The following KCNN1 variants were observed in gnomAD, a reference collection of about 807,000 sequenced individuals.
KCNN1 encodes the protein potassium calcium-activated channel subfamily N member 1, also known as small conductance calcium-activated potassium channel protein 1.
KCNN1 carries 20 observed loss-of-function variants against 44.7 expected under a neutral mutation model. The observed-to-expected ratio is 0.45, with a 90% confidence interval of 0.32 to 0.65. The LOEUF (loss-of-function observed/expected upper bound fraction) is 0.65. Ranked by LOEUF, KCNN1 falls within the 30% of genes least tolerant of loss-of-function variation. KCNN1 has a pLI of 0.05. For missense variants in KCNN1, 632 were observed against 785.3 expected (o/e 0.80, Z 2.33); for synonymous variants, 324 against 341.7 (o/e 0.95, Z 0.57).
chr19:17,984,590 C>A (rs1052300476), intron 4 of KCNN1, among the ~76,000 whole-genome samples: 4 of 152,120 alleles, frequency 2.6e-5, no homozygotes, highest in Admixed American at 6.5e-5. Flanking sequence ...CCTAGAGCCA[C>A]CCCCAGACCC....
In KCNN1 at chr19:17,975,223, C is replaced by T. The variant is rs571047828; in HGVS notation, c.498+36C>T. 3.3e-6 allele frequency: 5 copies of T among 1,511,270 alleles called. No individual in the cohort carries two copies. The South Asian group carries it at 5.6e-5, about 17-fold the overall frequency. The allele number at this position is 1,511,270 out of a possible 1,614,324, so 93.6% of individuals were successfully genotyped here. A position where few individuals can be genotyped will look rare whatever the true frequency, so the allele number is the denominator to read the frequency against. On this transcript the variant is annotated intron_variant, in intron 3 of 9. Coordinates refer to ENST00000684775, the MANE Select transcript of KCNN1 (RefSeq NM_001386974.1). ...AATACTGCAGGAAGCAGCTCCTCTCCTCAAACCCCAGATCCCCCCACACCA... is the reference window on the plus strand; with the variant it reads ...AATACTGCAGGAAGCAGCTCCTCTCTTCAAACCCCAGATCCCCCCACACCA...
chr19:17,985,472 G>T lies in KCNN1; in HGVS notation c.1059+19G>T. The stretch of plus-strand genomic sequence containing the variant: ...CATCATGGTAAGGGTGAGGGTCCAT[G>T]TGTATGATCCTGGGAGGTCCAGCCA... On this transcript the variant is annotated intron_variant, in intron 5 of 9. Transcript: ENST00000684775. 6.4e-7 allele frequency: 1 copy of T among 1,556,984 alleles called. No individual in the cohort carries two copies. Among genetic ancestry groups the T allele is most frequent in the Non-Finnish European group, 8.7e-7 (1 of 1,144,854 alleles).
intron 2 of KCNN1, among the ~76,000 whole-genome samples, chr19:17,958,449 A>G (rs534178043): frequency 3.3e-5 from 5 of 150,884 alleles, no homozygotes; most frequent in Non-Finnish European, 4.4e-5. Context: ...CTGCACTCCA[A>G]ACTGCTGCGA....
At chr19:17,965,993 ATGCCTGCCTGCC>A (rs200975232), upstream of KCNN1, among the ~76,000 whole-genome samples, 18 of 144,860 alleles carry the variant, frequency 1.2e-4, no homozygotes, top group South Asian at 6.9e-4. Flanking sequence ...TCCCTCATTC[ATGCCTGCCTGCC>A]TGCCTGCCTG....
chr19:17,968,804 G>C (rs547112372), intron 1 of KCNN1, among the ~76,000 whole-genome samples: 1 of 152,252 alleles, frequency 6.6e-6, no homozygotes, highest in South Asian at 2.1e-4. Flanking sequence ...TGACCAGACA[G>C]AGTAGTAAAA....
Position 17,983,398 on chromosome 19 carries a change from A to G in KCNN1, c.917+1271A>G. ...ATACTCCCACGGGCCCTGCCTGGGCATGAGGCCTGGCTCTCAGGGATGAAA... is the reference window on the plus strand; with the variant it reads ...ATACTCCCACGGGCCCTGCCTGGGCGTGAGGCCTGGCTCTCAGGGATGAAA... On this transcript the variant is annotated intron_variant, in intron 4 of 9. Transcript: ENST00000684775. The surrounding 1 kb of genome is among the most constrained non-coding windows in gnomAD (Gnocchi z 4.5). 6.8e-6 allele frequency among the ~76,000 whole-genome samples: 1 copy of G among 148,046 alleles called. No homozygotes were observed. Among genetic ancestry groups the G allele is most frequent in the East Asian group, 2.1e-4 (1 of 4,714 alleles).
chr19:17,982,153 C>T (rs1309807384), intron 4 of KCNN1, 26 bp downstream of exon 4: 11 of 1,459,978 alleles, frequency 7.5e-6, no homozygotes, highest in African/African-American at 1.4e-5. Flanking sequence ...CTGGAGCCCC[C>T]CCAGCCCCCA....
At chr19:17,969,805 C>T (rs1361725442) in intron 1 of KCNN1, among the ~76,000 whole-genome samples, 1 of 152,206 alleles carries the variant, frequency 6.6e-6, no homozygotes, top group Non-Finnish European at 1.5e-5. Flanking sequence ...TTTGCACCCT[C>T]GGGGATGGTG....
At chr19:17,988,282 G>C (rs2032672321) in intron 5 of KCNN1, 133 bp from the exon 6 acceptor site, 1 of 667,450 alleles carries the variant, frequency 1.5e-6, no homozygotes, top group Admixed American at 2.3e-5. Context: ...CCTGAAGTCA[G>C]TGAGCTCAGC....
Position 17,998,463 on chromosome 19 carries a change from G to T in KCNN1, c.*57G>T. The stretch of plus-strand genomic sequence containing the variant: ...TGGCCATCGTGTGGCCGCCACCTCC[G>T]GGAAGCCTTGTACAGTGGCGCCTCT... On this transcript the variant is annotated 3_prime_UTR_variant, in exon 10 of 10. Coordinates refer to ENST00000684775, the MANE Select transcript of KCNN1 (RefSeq NM_001386974.1). The surrounding 1 kb of genome is among the most constrained non-coding windows in gnomAD (Gnocchi z 5.4). The T allele has an allele frequency of 1.4e-6, 2 of 1,431,168 alleles. No homozygotes were observed. The highest frequency in any genetic ancestry group is 5.0e-5 in the East Asian group (2 of 40,134). The allele number at this position is 1,431,168 out of a possible 1,614,324, so 88.7% of individuals were successfully genotyped here. A position where few individuals can be genotyped will look rare whatever the true frequency, so the allele number is the denominator to read the frequency against.
At position 17,958,932 on chromosome 19, in the gene KCNN1, C is replaced by T. The variant is rs1731060644; in HGVS notation, c.-82+4251C>T. On this transcript the variant is annotated intron_variant, in intron 2 of 10. Coordinates refer to the KCNN1 transcript ENST00000222249. ...AACCAGGATGGTCTCGATATCCTGA[C>T]TTCGTGATCCACCCGCCTCGGCCTC... Among the ~76,000 whole-genome samples the T allele has an allele frequency of 2.6e-5, 4 of 151,094 alleles. No individual in the cohort carries two copies. The South Asian group carries it at 8.3e-4, about 31-fold the overall frequency.
At chr19:17,977,758 T>G (rs2032253068) in intron 3 of KCNN1, among the ~76,000 whole-genome samples, 1 of 152,086 alleles carries the variant, frequency 6.6e-6, no homozygotes, top group African/African-American at 2.4e-5. Flanking sequence ...CATTCAGAGG[T>G]ACTAGAGGTC....
At chr19:17,958,365 C>G (rs2031593651) in intron 2 of KCNN1, among the ~76,000 whole-genome samples, 1 of 151,972 alleles carries the variant, frequency 6.6e-6, no homozygotes, top group Admixed American at 6.6e-5. Context: ...GTAGCCCCAG[C>G]TACTCAGGAG....
chr19:17,957,172 A>G, intron 2 of KCNN1, among the ~76,000 whole-genome samples: 1 of 103,936 alleles, frequency 9.6e-6, no homozygotes, highest in Non-Finnish European at 1.9e-5. Flanking sequence ...AGGAGAGGAG[A>G]GGGGAGGAGA....
chr19:17,961,582 C>CTTT (rs756599442), intron 2 of KCNN1, among the ~76,000 whole-genome samples: 10,165 of 100,182 alleles, frequency 0.1, 558 homozygotes, highest in Admixed American at 0.15. Context: ...TTCTTTCTTT[C>CTTT]TTTCTTTTTT....
intron 4 of KCNN1, 122 bp downstream of exon 4, chr19:17,982,249 C>A: frequency 1.2e-6 from 1 of 843,626 alleles, no homozygotes; most frequent in Non-Finnish European, 1.8e-6. Context: ...TTCTGTCTCC[C>A]CGACTGCAAG....
chr19:17,990,652 T>C (rs2032755791), intron 7 of KCNN1, among the ~76,000 whole-genome samples: 1 of 150,522 alleles, frequency 6.6e-6, no homozygotes, highest in Non-Finnish European at 1.5e-5. Context: ...TACAAAAAAT[T>C]AGCCGGGCGT....
upstream of KCNN1, among the ~76,000 whole-genome samples, chr19:17,966,007 GCCTGCCTGCCTGCCTGCCTTCCTTCCTT>G (rs986778068): frequency 5.3e-5 from 6 of 112,974 alleles, no homozygotes; most frequent in East Asian, 5.5e-4. Flanking sequence ...CTGCCTGCCT[GCCTGCCTGCCTGCCTGCCTTCCTTCCTT>G]CCTTCCTTCC....
Position 17,993,087 on chromosome 19 carries a change from TG to T in KCNN1, c.1307+29del, listed in dbSNP as rs1568460287. ...AGTAAGTGTTCTCCCAGGGGCTTGG[TG>T]GGGCTGGGAAATCGGGGGTGCATGG... is the stretch of plus-strand genomic sequence containing the variant. On this transcript the variant is annotated intron_variant, in intron 8 of 9. Transcript: ENST00000684775. This position sits in a 1 kb window ranked among gnomAD's most constrained non-coding sequence, Gnocchi z 4.5. The T allele has an allele frequency of 6.2e-7, 1 of 1,613,364 alleles. No individual in the cohort carries two copies. Among genetic ancestry groups the T allele is most frequent in the South Asian group, 1.1e-5 (1 of 90,984 alleles).
Sources: gnomAD v4.1 joint callset for allele counts (sites outside exome capture counted in the v4.1 genomes callset) on GRCh38, gnomAD v4.1.1 for gene constraint, Gnocchi (gnomAD v3.1) non-coding constraint, MANE v1.5 for transcripts, NCBI Gene and HGNC (gene_info 2026-07-23, HGNC 2026-07-21) for gene names.